PDZRN4: variants seen among roughly 807,000 people sequenced by gnomAD.
The protein encoded by PDZRN4 is PDZ domain containing ring finger 4, also known as PDZ domain-containing RING finger protein 4.
Under a neutral mutation model 99.0 loss-of-function variants are expected in PDZRN4, and 70 were observed. The observed-to-expected ratio is 0.71, with a 90% CI of 0.58 to 0.86. PDZRN4 has a LOEUF of 0.86. PDZRN4 is among the 40% of genes least tolerant of loss of function. PDZRN4 has a pLI of 0.00. For missense variants in PDZRN4, 1,474 were observed against 1,331.2 expected (o/e 1.11, Z -1.67); for synonymous variants, 551 against 501.6 (o/e 1.10, Z -1.32).
At chr12:41,397,271 A>G (rs1193990926) in intron 3 of PDZRN4, among the ~76,000 whole-genome samples, 7 of 152,186 alleles carry the variant, frequency 4.6e-5, no homozygotes, top group Non-Finnish European at 1.0e-4. Context: ...TTCATGCTAC[A>G]TGCAGTTGTG....
chr12:41,256,056 C>G (rs1202902675), intron 3 of PDZRN4, among the ~76,000 whole-genome samples: 1 of 152,074 alleles, frequency 6.6e-6, no homozygotes, highest in East Asian at 1.9e-4. Flanking sequence ...GATTCACATT[C>G]TCTGTGGAAA....
intron 3 of PDZRN4, among the ~76,000 whole-genome samples, chr12:41,355,736 T>C (rs1022249149): frequency 2.0e-5 from 3 of 152,022 alleles, no homozygotes; most frequent in African/African-American, 7.2e-5. Context: ...GATCAAAAAG[T>C]ATTAGTGTCT....
chr12:41,329,363 A>C (rs1037125777), intron 3 of PDZRN4, among the ~76,000 whole-genome samples: 3 of 152,140 alleles, frequency 2.0e-5, no homozygotes, highest in Non-Finnish European at 4.4e-5. Context: ...TACTTTCCAT[A>C]TGTTGATGCA....
At chr12:41,362,260 A>G (rs2121060664) in intron 3 of PDZRN4, among the ~76,000 whole-genome samples, 1 of 152,130 alleles carries the variant, frequency 6.6e-6, no homozygotes, top group East Asian at 1.9e-4. Flanking sequence ...GCAAAGTGAA[A>G]ATAAACTTAT....
intron 4 of PDZRN4, 44 bp downstream of exon 4, chr12:41,506,756 T>A (rs759257258): frequency 6.4e-7 from 1 of 1,563,500 alleles, no homozygotes; most frequent in South Asian, 1.2e-5. Flanking sequence ...TGTTTCCATT[T>A]GTCACGTAAA....
intron 3 of PDZRN4, among the ~76,000 whole-genome samples, chr12:41,354,421 C>T (rs1951912604): frequency 6.6e-6 from 1 of 151,822 alleles, no homozygotes; most frequent in Non-Finnish European, 1.5e-5. Flanking sequence ...TTAAATAAGC[C>T]TCTCCCTCTT....
At chr12:41,343,525 A>G (rs1184856946) in intron 3 of PDZRN4, among the ~76,000 whole-genome samples, 1 of 151,982 alleles carries the variant, frequency 6.6e-6, no homozygotes, top group Non-Finnish European at 1.5e-5. Context: ...TTAAAATTTT[A>G]AAAAGTTTTT....
At chr12:41,401,746 T>C (rs183483463) in intron 3 of PDZRN4, among the ~76,000 whole-genome samples, 6 of 152,098 alleles carry the variant, frequency 3.9e-5, no homozygotes, top group African/African-American at 1.4e-4. Flanking sequence ...AGCAACATTA[T>C]CTGCAAGATG....
intron 3 of PDZRN4, among the ~76,000 whole-genome samples, chr12:41,242,843 C>A (rs947816244): frequency 6.6e-6 from 1 of 152,194 alleles, no homozygotes; most frequent in African/African-American, 2.4e-5. Context: ...AGTTAATGCA[C>A]TTAGCAAAAA....
intron 3 of PDZRN4, among the ~76,000 whole-genome samples, chr12:41,491,616 C>A (rs1937888624): frequency 6.6e-6 from 1 of 152,156 alleles, no homozygotes; most frequent in Non-Finnish European, 1.5e-5. Flanking sequence ...TCATAGATAA[C>A]TTTAGTGGAT....
Position 41,207,706 on chromosome 12 carries a change from T to G in PDZRN4, c.843+13518T>G, listed in dbSNP as rs116618880. On this transcript the variant is annotated intron_variant, in intron 3 of 9. Transcript: ENST00000402685. ...GTGCCAACCACCAGGCAAATGGCTA[T>G]GTGTAACAAACACATTGGTGCAATT... Among the ~76,000 whole-genome samples the G allele has an allele frequency of 6.8e-3, 1,031 of 151,960 alleles. 7 individuals are homozygous for G. Among genetic ancestry groups the G allele is most frequent in the African/African-American group, 0.024 (995 of 41,524 alleles).
chr12:41,271,107 T>G (rs1951311765), intron 3 of PDZRN4, among the ~76,000 whole-genome samples: 1 of 152,144 alleles, frequency 6.6e-6, no homozygotes, highest in Non-Finnish European at 1.5e-5. Flanking sequence ...TAAACCTCAA[T>G]GTATATAAAT....
At chr12:41,205,443 A>T (rs938072890) in intron 3 of PDZRN4, among the ~76,000 whole-genome samples, 7 of 151,948 alleles carry the variant, frequency 4.6e-5, no homozygotes, top group Non-Finnish European at 1.0e-4. Context: ...GCACTCCTAT[A>T]TAAATCCAAC....
intron 3 of PDZRN4, chr12:41,409,584 T>C (rs2120370505): frequency 6.6e-6 from 1 of 152,324 alleles, no homozygotes; most frequent in Non-Finnish European, 1.5e-5. Flanking sequence ...GATTCAGAAA[T>C]ACCAACGTAT....
intron 3 of PDZRN4, among the ~76,000 whole-genome samples, chr12:41,334,574 G>A (rs1219709775): frequency 1.3e-5 from 2 of 152,056 alleles, no homozygotes; most frequent in East Asian, 3.9e-4. Context: ...TGGAGCAGGA[G>A]CTTCTCTCAG....
intron 3 of PDZRN4, among the ~76,000 whole-genome samples, chr12:41,269,218 A>T (rs1276780925): frequency 6.6e-6 from 1 of 152,192 alleles, no homozygotes; most frequent in Non-Finnish European, 1.5e-5. Flanking sequence ...AATGATTGAC[A>T]CTTTCTATAA....
At chr12:41,417,924 G>A (rs1229018794) in intron 3 of PDZRN4, among the ~76,000 whole-genome samples, 1 of 152,122 alleles carries the variant, frequency 6.6e-6, no homozygotes, top group Admixed American at 6.5e-5. Flanking sequence ...TAACTCCCTT[G>A]ATAGCCATGT....
chr12:41,390,593 A>G (rs1952203714), intron 3 of PDZRN4, among the ~76,000 whole-genome samples: 1 of 142,658 alleles, frequency 7.0e-6, no homozygotes, highest in Admixed American at 7.0e-5. Flanking sequence ...AGCTTTTTTT[A>G]TATTTCTAAC....
chr12:41,288,962 T>C (rs1951438993), intron 3 of PDZRN4, among the ~76,000 whole-genome samples: 1 of 152,068 alleles, frequency 6.6e-6, no homozygotes, highest in Admixed American at 6.6e-5. Context: ...ACACCTGAAA[T>C]TTTAACACAT....
Sources: allele counts gnomAD v4.1 joint callset (sites outside exome capture counted in the v4.1 genomes callset), GRCh38; gene constraint gnomAD v4.1.1; transcripts MANE v1.5; gene names NCBI Gene and HGNC (gene_info 2026-07-23, HGNC 2026-07-21).